DBT: variants seen among roughly 807,000 people sequenced by gnomAD.
The protein encoded by DBT is lipoamide acyltransferase component of branched-chain alpha-keto acid dehydrogenase complex, mitochondrial.
Under a neutral mutation model 51.3 loss-of-function variants are expected in DBT, and 40 were observed. The observed-to-expected ratio is 0.78, with a 90% CI of 0.61 to 1.02. DBT has a LOEUF of 1.02. Ranked by LOEUF, DBT falls within the 50% of genes least tolerant of loss-of-function variation. The pLI, the probability that DBT is intolerant of heterozygous loss-of-function variation, is 0.00. For synonymous variants in DBT, 181 were observed against 190.4 expected, an observed-to-expected ratio of 0.95 and a Z score of 0.41; for missense variants, 510 against 580.2, an observed-to-expected ratio of 0.88 and a Z score of 1.24.
rs752915898 is a variant in DBT, at chr1:100,196,431, GAAAAAAAAAAAAA to G, written c.1282-22_1282-10del. 4.2e-5 allele frequency: 27 copies of G among 648,904 alleles called. No homozygotes were observed. Among genetic ancestry groups the G allele is most frequent in the African/African-American group, 1.1e-4 (3 of 28,298 alleles). 40.2% of individuals were successfully genotyped at this position (648,904 alleles called of 1,614,324 possible). On this transcript the variant is annotated splice_polypyrimidine_tract_variant and intron_variant, in intron 10 of 10. Transcript: ENST00000370132. ...TTAAATCGGGGAATGGCCTAGAAAT[GAAAAAAAAAAAAA>G]AAAAAAAAAAAAAAAGAACAAAGAG... is the stretch of plus-strand genomic sequence containing the variant.
chr1:100,229,782 G>T (rs1189663309), intron 4 of DBT, among the ~76,000 whole-genome samples: 1 of 152,116 alleles, frequency 6.6e-6, no homozygotes, highest in Non-Finnish European at 1.5e-5. Flanking sequence ...ACAAAACTTT[G>T]GTATACCACA....
At chr1:100,225,413 GA>G (rs1278701970) in intron 4 of DBT, among the ~76,000 whole-genome samples, 2 of 151,624 alleles carry the variant, frequency 1.3e-5, no homozygotes, top group South Asian at 2.1e-4. Context: ...TAATTTTTGT[GA>G]AAAAAAATTC....
At chr1:100,234,870 T>C (rs949649754) in intron 3 of DBT, among the ~76,000 whole-genome samples, 2 of 152,174 alleles carry the variant, frequency 1.3e-5, no homozygotes, top group Admixed American at 1.3e-4. Context: ...ATGGTATAAA[T>C]CTAAGGTGGG....
At chr1:100,211,108 T>A in intron 7 of DBT, 2 of 779,176 alleles carry the variant, frequency 2.6e-6, no homozygotes, top group South Asian at 2.7e-5. Flanking sequence ...ATCTTAAGAT[T>A]TCCATGAGAA....
At chr1:100,200,763 A>C (rs1661388944) in intron 10 of DBT, among the ~76,000 whole-genome samples, 1 of 152,208 alleles carries the variant, frequency 6.6e-6, no homozygotes, top group Non-Finnish European at 1.5e-5. Flanking sequence ...ACCCAGGCAA[A>C]CAGGGTCTGG....
intron 10 of DBT, among the ~76,000 whole-genome samples, chr1:100,205,722 A>G (rs1661716012): frequency 6.6e-6 from 1 of 152,230 alleles, no homozygotes; most frequent in Non-Finnish European, 1.5e-5. Flanking sequence ...AATGTTAGTT[A>G]GACTGGATAA....
At chr1:100,235,547 T>C (rs761088159) in intron 2 of DBT, 36 bp from the exon 3 acceptor site, 1 of 1,110,444 alleles carries the variant, frequency 9.0e-7, no homozygotes, top group East Asian at 2.4e-5. Flanking sequence ...TCATTAAGTA[T>C]ATAACATATT....
At chr1:100,241,366 T>TTTTGTGTG (rs947738213) in intron 1 of DBT, among the ~76,000 whole-genome samples, 2 of 144,012 alleles carry the variant, frequency 1.4e-5, no homozygotes, top group African/African-American at 5.2e-5. Context: ...CTGAAAGGTA[T>TTTTGTGTG]TGTGTGTGTG....
chr1:100,218,776 T>C (rs1391098440), intron 4 of DBT, 29 bp from the exon 5 acceptor site: 1 of 1,611,532 alleles, frequency 6.2e-7, no homozygotes, highest in Non-Finnish European at 8.5e-7. Context: ...TTAACTTCAG[T>C]TGAAAAAAAA....
chr1:100,229,070 A>T (rs1162693417), intron 4 of DBT, among the ~76,000 whole-genome samples: 1 of 152,230 alleles, frequency 6.6e-6, no homozygotes, highest in Non-Finnish European at 1.5e-5. Context: ...TTTTAGAAGC[A>T]ACATGTCATA....
At chr1:100,246,050 T>G (rs781712630) in intron 1 of DBT, among the ~76,000 whole-genome samples, 1 of 151,820 alleles carries the variant, frequency 6.6e-6, no homozygotes, top group African/African-American at 2.4e-5. Context: ...GATCACGAGG[T>G]CAAGAGATCA....
chr1:100,230,678 G>T (rs1570835745), intron 4 of DBT, 55 bp downstream of exon 4: 6 of 1,156,998 alleles, frequency 5.2e-6, no homozygotes, highest in South Asian at 1.4e-5. Context: ...GGGACCCAAT[G>T]ACAAAAAGAG....
chr1:100,218,932 T>TGGGGG (rs55792733), intron 4 of DBT, among the ~76,000 whole-genome samples, 185 bp from the exon 5 acceptor site: 1 of 146,732 alleles, frequency 6.8e-6, no homozygotes, highest in Non-Finnish European at 1.5e-5. Flanking sequence ...ATGGGTAGAG[T>TGGGGG]GGGGGGGGGG....
chr1:100,248,418 A>G (rs2100860094), intron 1 of DBT, among the ~76,000 whole-genome samples: 1 of 152,320 alleles, frequency 6.6e-6, no homozygotes, highest in South Asian at 2.1e-4. Context: ...CATCACGTAC[A>G]TATGAAACTG....
intron 1 of DBT, chr1:100,249,362 C>T (rs909758211): frequency 6.2e-6 from 2 of 323,426 alleles, no homozygotes; most frequent in Non-Finnish European, 1.2e-5. Flanking sequence ...GCCTCTTCCT[C>T]TACACACTGT....
Position 100,215,989 on chromosome 1 carries a change from T to C in DBT, c.766A>G (p.Ile256Val). 1.3e-6 allele frequency: 2 copies of C among 1,557,254 alleles called. No homozygotes were observed. The highest frequency in any genetic ancestry group is 2.2e-5 in the East Asian group (1 of 44,594). ...VFTGKDKTEP[I>V]KGFQKAMVKT... ...TTGTTATTATTATCATTACCTTTTA[T>C]GGGTTCTGTTTTGTCTTTGCCTGTG... The change falls in exon 6 of 11, where the codon ATA (isoleucine) becomes GTA (valine). Residue 256 changes from isoleucine (I) to valine (V), a missense_variant. Ile to Val is a conservative substitution (Grantham distance 29). Coordinates refer to ENST00000370132, the MANE Select transcript of DBT (RefSeq NM_001918.5).
chr1:100,226,917 T>C (rs910169098), intron 4 of DBT, among the ~76,000 whole-genome samples: 10 of 152,238 alleles, frequency 6.6e-5, no homozygotes, highest in African/African-American at 2.2e-4. Flanking sequence ...AATACTGTCA[T>C]GCATTGCTTA....
chr1:100,245,000 G>A (rs994625893), intron 1 of DBT, among the ~76,000 whole-genome samples: 1 of 152,002 alleles, frequency 6.6e-6, no homozygotes, highest in Admixed American at 6.6e-5. Context: ...GTAATTGAAT[G>A]GCTCTGAGGA....
At chr1:100,232,595 T>C (rs959718588) in intron 3 of DBT, among the ~76,000 whole-genome samples, 5 of 152,210 alleles carry the variant, frequency 3.3e-5, no homozygotes, top group Non-Finnish European at 7.3e-5. Flanking sequence ...TGTGGAATGA[T>C]AATTATTTGT....
Sources: allele counts gnomAD v4.1 joint callset (sites outside exome capture counted in the v4.1 genomes callset), GRCh38; gene constraint gnomAD v4.1.1; transcripts MANE v1.5; gene names NCBI Gene and HGNC (gene_info 2026-07-23, HGNC 2026-07-21).